DLGAP2: variants seen among roughly 807,000 people sequenced by gnomAD.
DLGAP2 encodes the protein DLG associated protein 2, also known as disks large-associated protein 2.
Under a neutral mutation model 100.3 loss-of-function variants are expected in DLGAP2, and 26 were observed. The ratio of observed to expected loss-of-function variants is 0.26; its 90% CI spans 0.19 to 0.36. The LOEUF (loss-of-function observed/expected upper bound fraction) is 0.36. Ranked by LOEUF, DLGAP2 falls within the 10% of genes least tolerant of loss-of-function variation. The pLI is 1.00. For synonymous variants in DLGAP2, 886 were observed against 630.1 expected (o/e 1.41, Z -6.08); for missense variants, 1,858 against 1,453.2 (o/e 1.28, Z -4.53).
At chr8:949,181 C>G (rs983790977) in intron 2 of DLGAP2, among the ~76,000 whole-genome samples, 2 of 152,196 alleles carry the variant, frequency 1.3e-5, no homozygotes, top group Non-Finnish European at 2.9e-5. Context: ...CGTGTGGTTC[C>G]TGGAGTAGAT....
intron 2 of DLGAP2, among the ~76,000 whole-genome samples, chr8:1,104,641 C>T (rs910258305): frequency 3.3e-5 from 5 of 152,320 alleles, no homozygotes; most frequent in Admixed American, 2.6e-4. Flanking sequence ...AGGAAATCGC[C>T]GCCTGCAACC....
chr8:875,172 G>C (rs1414545433), intron 1 of DLGAP2, among the ~76,000 whole-genome samples: 3 of 152,156 alleles, frequency 2.0e-5, no homozygotes, highest in Non-Finnish European at 2.9e-5. Flanking sequence ...GCAGGGTAGA[G>C]TTGGATCTTT....
chr8:1,148,936 G>T (rs989427335), intron 2 of DLGAP2, among the ~76,000 whole-genome samples: 2 of 152,122 alleles, frequency 1.3e-5, no homozygotes, highest in African/African-American at 4.8e-5. Flanking sequence ...CAATAATTCA[G>T]TATTAATCCT....
At chr8:1,389,937 G>A (rs1261696810) in intron 3 of DLGAP2, among the ~76,000 whole-genome samples, 1 of 151,984 alleles carries the variant, frequency 6.6e-6, no homozygotes, top group Admixed American at 6.6e-5. Context: ...GGAGCACCCA[G>A]CTCCGGCACA....
intron 2 of DLGAP2, among the ~76,000 whole-genome samples, chr8:1,063,735 C>T (rs995912619): frequency 6.6e-6 from 1 of 152,014 alleles, no homozygotes; most frequent in African/African-American, 2.4e-5. Context: ...CTGAGCATGG[C>T]CAATAGGAAG....
chr8:762,122 A>C (rs930419822), intron 1 of DLGAP2, among the ~76,000 whole-genome samples: 15 of 152,210 alleles, frequency 9.9e-5, no homozygotes, highest in Admixed American at 6.5e-5. Context: ...CTTTGTGAGC[A>C]AAGTTTCTCA....
intron 1 of DLGAP2, among the ~76,000 whole-genome samples, chr8:802,910 G>A (rs1796200067): frequency 6.6e-6 from 1 of 152,178 alleles, no homozygotes. Flanking sequence ...AGGAGGGGGT[G>A]TGATTTTACA....
intron 3 of DLGAP2, among the ~76,000 whole-genome samples, chr8:1,379,096 G>T (rs761383998): frequency 6.6e-6 from 1 of 152,236 alleles, no homozygotes; most frequent in East Asian, 1.9e-4. Context: ...ATGGCTACAA[G>T]ACCAGGAAAT....
intron 3 of DLGAP2, among the ~76,000 whole-genome samples, chr8:1,382,353 G>T (rs1463869859): frequency 3.3e-5 from 5 of 152,230 alleles, no homozygotes; most frequent in African/African-American, 1.2e-4. Flanking sequence ...CAGGGTGGCA[G>T]AGGAGGAAGA....
At chr8:783,824 C>T (rs1443326879) in intron 1 of DLGAP2, among the ~76,000 whole-genome samples, 1 of 152,156 alleles carries the variant, frequency 6.6e-6, no homozygotes, top group Non-Finnish European at 1.5e-5. Context: ...GTATCTGTCT[C>T]ACTGCTGGTG....
intron 3 of DLGAP2, among the ~76,000 whole-genome samples, chr8:1,313,746 G>T (rs560865358): frequency 1.3e-5 from 2 of 152,200 alleles, no homozygotes; most frequent in East Asian, 1.9e-4. Flanking sequence ...TCAGATTTTT[G>T]AATATCAGAT....
chr8:1,483,100 G>A (rs764696867), intron 3 of DLGAP2, among the ~76,000 whole-genome samples: 5 of 152,176 alleles, frequency 3.3e-5, no homozygotes, highest in Non-Finnish European at 7.3e-5. Context: ...CAGCCTGGGA[G>A]ATAAACCACG....
At chr8:950,870 C>T (rs907780257) in intron 2 of DLGAP2, among the ~76,000 whole-genome samples, 4 of 152,024 alleles carry the variant, frequency 2.6e-5, no homozygotes, top group African/African-American at 4.8e-5. Flanking sequence ...GTGGTCCACC[C>T]GCCTCAACTT....
At chr8:1,434,862 C>G (rs1412288382) in intron 3 of DLGAP2, among the ~76,000 whole-genome samples, 1 of 152,154 alleles carries the variant, frequency 6.6e-6, no homozygotes, top group East Asian at 1.9e-4. Flanking sequence ...ATCCTTCCTC[C>G]CCTCCCTCCT....
At chr8:1,639,229 C>T (rs1478608709) in intron 8 of DLGAP2, among the ~76,000 whole-genome samples, 1 of 152,178 alleles carries the variant, frequency 6.6e-6, no homozygotes, top group African/African-American at 2.4e-5. Context: ...GGCCTGAGAC[C>T]AGAGCCCACA....
At chr8:1,672,660 C>G (rs1406989960) in intron 10 of DLGAP2, among the ~76,000 whole-genome samples, 1 of 152,196 alleles carries the variant, frequency 6.6e-6, no homozygotes, top group Admixed American at 6.5e-5. Context: ...TCCAGGCACA[C>G]AGGCAGCTGC....
chr8:1,539,128 C>A lies in DLGAP2; in HGVS notation c.173-9498C>A, dbSNP rs1009408882. Among the ~76,000 whole-genome samples, 33 of 152,230 alleles carry A rather than the reference C, an allele frequency of 2.2e-4. No individual in the cohort carries two copies. In the East Asian group the frequency reaches 4.3e-3, roughly 20 times the overall value. Reference sequence around the variant, plus strand: ...CTTGAACTCTCAACCTCAAGTGATCCACCTGCCTCAGCCTCCTAAAGTGCT... The same window carrying A: ...CTTGAACTCTCAACCTCAAGTGATCAACCTGCCTCAGCCTCCTAAAGTGCT... On this transcript the variant is annotated intron_variant, in intron 4 of 14. Coordinates refer to ENST00000637795, the MANE Select transcript of DLGAP2 (RefSeq NM_001346810.2).
At chr8:1,557,263 T>G (rs1219329350) in intron 5 of DLGAP2, among the ~76,000 whole-genome samples, 5 of 152,140 alleles carry the variant, frequency 3.3e-5, no homozygotes, top group Non-Finnish European at 5.9e-5. Context: ...GCGTGGAACC[T>G]TCTCACAAGC....
At chr8:924,372 T>C (rs977858754) in intron 2 of DLGAP2, among the ~76,000 whole-genome samples, 2 of 152,078 alleles carry the variant, frequency 1.3e-5, no homozygotes, top group Non-Finnish European at 2.9e-5. Flanking sequence ...GGCCAGATCC[T>C]CTCGGAGCCC....
Sources: gnomAD v4.1 joint callset for allele counts (sites outside exome capture counted in the v4.1 genomes callset) on GRCh38, gnomAD v4.1.1 for gene constraint, MANE v1.5 for transcripts, NCBI Gene and HGNC (gene_info 2026-07-23, HGNC 2026-07-21) for gene names.